DNM1: variants seen among roughly 807,000 people sequenced by gnomAD.
DNM1 encodes dynamin-1.
Under a neutral mutation model 104.6 loss-of-function variants are expected in DNM1, and 29 were observed. That is an observed-to-expected ratio of 0.28 (90% CI 0.21 to 0.38). DNM1 has a LOEUF of 0.38. Among genes scored for constraint, DNM1 ranks in the 10% least tolerant of loss-of-function variants. The pLI is 1.00. For synonymous variants in DNM1, 445 were observed against 475.8 expected, an observed-to-expected ratio of 0.94 and a Z score of 0.84; for missense variants, 640 against 1,189.4, an observed-to-expected ratio of 0.54 and a Z score of 6.79.
intron 1 of DNM1, among the ~76,000 whole-genome samples, chr9:128,207,922 G>A (rs1327688007): frequency 3.3e-5 from 5 of 152,012 alleles, no homozygotes; most frequent in South Asian, 4.1e-4. Flanking sequence ...GTCCTGAGGA[G>A]CGACCCTCTG....
intron 6 of DNM1, chr9:128,221,282 GT>G (rs1376102683): frequency 4.6e-5 from 7 of 152,084 alleles, no homozygotes; most frequent in African/African-American, 1.5e-4. Context: ...TAGAGACGGG[GT>G]TTCACCATGT....
chr9:128,227,406 C>G (rs1433069413), intron 10 of DNM1, among the ~76,000 whole-genome samples: 1 of 91,358 alleles, frequency 1.1e-5, no homozygotes, highest in Non-Finnish European at 2.0e-5. Flanking sequence ...TTTTTTGAGA[C>G]AGTCTCACTC....
At position 128,219,997 on chromosome 9, in the gene DNM1, C is replaced by T. The variant is rs1834848160; in HGVS notation, c.599C>T (p.Thr200Ile). The T allele has an allele frequency of 3.2e-6, 5 of 1,582,460 alleles. No homozygotes were observed. Among genetic ancestry groups the T allele is most frequent in the Non-Finnish European group, 4.3e-6 (5 of 1,163,640 alleles). Residue 200 changes from threonine (T) to isoleucine (I), a missense_variant, in exon 5 of 22, where the codon ACC becomes ATC. Physicochemically the swap from Thr to Ile is moderately conservative, Grantham distance 89. Around this residue, in one of 7 missense-constraint regions of DNM1, gnomAD observed 172 missense variants for 335.3 expected, o/e 0.51. Transcript: ENST00000372923. ...CTGCTGGTGCACCCAGGCCAGCGCACCATCGGGGTCATCACCAAGCTGGAC... is the reference window on the plus strand; with the variant it reads ...CTGCTGGTGCACCCAGGCCAGCGCATCATCGGGGTCATCACCAAGCTGGAC... ...AKEVDPQGQR[T>I]IGVITKLDLM...
At chr9:128,231,629 C>T (rs1290025265) in intron 10 of DNM1, among the ~76,000 whole-genome samples, 1 of 152,172 alleles carries the variant, frequency 6.6e-6, no homozygotes, top group African/African-American at 2.4e-5. Context: ...CAAGTCACTC[C>T]TGCCAGAAGT....
chr9:128,218,409 T>C lies in DNM1; in HGVS notation c.235+105T>C, dbSNP rs533695629. 15 of 1,458,266 alleles carry C rather than the reference T, an allele frequency of 1.0e-5. No homozygotes were observed. The East Asian group carries it at 2.0e-4, about 20-fold the overall frequency. The allele number at this position is 1,458,266 out of a possible 1,614,324, so 90.3% of individuals were successfully genotyped here. A position where few individuals can be genotyped will look rare whatever the true frequency, so the allele number is the denominator to read the frequency against. On this transcript the variant is annotated intron_variant, in intron 2 of 21. Transcript: ENST00000372923. The surrounding 1 kb of genome is among the most constrained non-coding windows in gnomAD (Gnocchi z 4.8). The stretch of plus-strand genomic sequence containing the variant: ...CACGAACTTGCTTGCTGTGTGACTG[T>C]GGGCCTCGTTCCCCTTAGGGATAGC...
At chr9:128,230,164 C>T (rs1315476833) in intron 10 of DNM1, among the ~76,000 whole-genome samples, 2 of 150,068 alleles carry the variant, frequency 1.3e-5, no homozygotes, top group South Asian at 2.1e-4. Context: ...TTGCAGTTAG[C>T]CAAGATTGAG....
Position 128,252,881 on chromosome 9 carries a change from C to G in DNM1, c.2535-1773C>G. 5.8e-6 allele frequency: 4 copies of G among 684,250 alleles called. No individual in the cohort carries two copies. The South Asian group carries it at 6.2e-5, about 11-fold the overall frequency. 42.4% of individuals were successfully genotyped at this position (684,250 alleles called of 1,614,324 possible). On this transcript the variant is annotated intron_variant, in intron 21 of 21. Coordinates refer to ENST00000372923, the MANE Select transcript of DNM1 (RefSeq NM_004408.4). ...CTGCATGCCCCAGATCCATGCTGCA[C>G]GCGCCGCCGGCCAGTGAGGGTGCTG...
In DNM1 at chr9:128,222,618, A is replaced by G. The variant is rs767233957; in HGVS notation, c.1128+22A>G. 6.2e-7 allele frequency: 1 copy of G among 1,613,628 alleles called. No individual in the cohort carries two copies. Among genetic ancestry groups the G allele is most frequent in the Admixed American group, 1.7e-5 (1 of 59,996 alleles). Reference sequence around the variant, plus strand: ...CAAGGTAGGTCAGGCAGCCCTGGGGACAGGATGGCTCAGGACTCCCCCCAC... The same window carrying G: ...CAAGGTAGGTCAGGCAGCCCTGGGGGCAGGATGGCTCAGGACTCCCCCCAC... On this transcript the variant is annotated intron_variant, in intron 8 of 21. Coordinates refer to ENST00000372923, the MANE Select transcript of DNM1 (RefSeq NM_004408.4). The surrounding 1 kb of genome is among the most constrained non-coding windows in gnomAD (Gnocchi z 7.8).
rs1257289707 is a variant in DNM1, at chr9:128,241,781, G to T, written c.1558-451G>T. ...TGTGAATCCTGAGCTGATACTCAAA[G>T]GCTGAGTAGGAATTTGCCAGGCAAA... On this transcript the variant is annotated intron_variant, in intron 14 of 21. Coordinates refer to ENST00000372923, the MANE Select transcript of DNM1 (RefSeq NM_004408.4). 2.0e-5 allele frequency among the ~76,000 whole-genome samples: 3 copies of T among 152,328 alleles called. No individual in the cohort carries two copies. The East Asian group carries it at 5.8e-4, about 29-fold the overall frequency.
rs45596034 is a variant in DNM1 at position 128,205,982 on chromosome 9, G to A, written c.161+2351G>A. On this transcript the variant is annotated intron_variant, in intron 1 of 21. Coordinates refer to ENST00000372923, the MANE Select transcript of DNM1 (RefSeq NM_004408.4). ...ATGCAGGCCCAGGGCAGGGGAGGGG[G>A]CTTAGGTTGATGTGAAGGAGTAGGC... Among the ~76,000 whole-genome samples the A allele has an allele frequency of 9.4e-3, 1,435 of 152,300 alleles. 24 individuals carry two copies. Among genetic ancestry groups the A allele is most frequent in the African/African-American group, 0.033 (1,375 of 41,560 alleles).
Position 128,250,936 on chromosome 9 carries a change from C to A in DNM1, c.2530C>A (p.Pro844Thr). 7.2e-7 allele frequency: 1 copy of A among 1,390,192 alleles called. No individual in the cohort carries two copies. Among genetic ancestry groups the A allele is most frequent in the South Asian group, 1.6e-5 (1 of 64,086 alleles). 86.1% of individuals were successfully genotyped at this position (1,390,192 alleles called of 1,614,324 possible). The change falls in exon 21 of 22, where the codon CCC (proline) becomes ACC (threonine). Residue 844 changes from proline to threonine, a missense_variant. Transcript: ENST00000372923. ...CCCCAACCGCGCCCCGCCCGGGGTCCCCAGGTGAGTAGGGGCTGAATGCGG... is the reference window on the plus strand; with the variant it reads ...CCCCAACCGCGCCCCGCCCGGGGTCACCAGGTGAGTAGGGGCTGAATGCGG... ...SRPNRAPPGV[P>T]SRSGQASPSR...
In DNM1 at chr9:128,247,851, CCT is replaced by C. The variant is rs761896039; in HGVS notation, c.1894-68_1894-67del. 1.9e-4 allele frequency: 300 copies of C among 1,587,430 alleles called. No homozygotes were observed. Among genetic ancestry groups the C allele is most frequent in the Non-Finnish European group, 2.3e-4 (273 of 1,163,834 alleles). On this transcript the variant is annotated intron_variant, in intron 17 of 21. Coordinates refer to ENST00000372923, the MANE Select transcript of DNM1 (RefSeq NM_004408.4). This position sits in a 1 kb window ranked among gnomAD's most constrained non-coding sequence, Gnocchi z 5.1. ...AGGTTCACTCAATCTCTCCCCTTTTCCTCTCTGTGTTTCCTTCGGCTGTGCTC... is the reference window on the plus strand; with the variant it reads ...AGGTTCACTCAATCTCTCCCCTTTTCCTCTGTGTTTCCTTCGGCTGTGCTC...
rs576156776 is a variant in DNM1 at position 128,253,773 on chromosome 9, C to G, written c.2535-881C>G. 916 of 441,826 alleles carry G rather than the reference C, an allele frequency of 2.1e-3. 4 individuals carry two copies. Among genetic ancestry groups the G allele is most frequent in the Non-Finnish European group, 3.0e-3 (827 of 273,708 alleles). The allele number at this position is 441,826 out of a possible 1,614,324, so 27.4% of individuals were successfully genotyped here. On this transcript the variant is annotated intron_variant, in intron 21 of 21. Transcript: ENST00000372923. The surrounding 1 kb of genome is among the most constrained non-coding windows in gnomAD (Gnocchi z 5.9). Reference sequence around the variant, plus strand: ...CAGGCAGGGACACACAGCCCCCTTCCCTCCCTCCCAGGTACCGTCATAGCT... The same window carrying G: ...CAGGCAGGGACACACAGCCCCCTTCGCTCCCTCCCAGGTACCGTCATAGCT...
chr9:128,239,476 ACATGAACACCAAC>A lies in DNM1; in HGVS notation c.1460_1472del (p.Asn487ArgfsTer4). 1 of 1,614,084 alleles carries A rather than the reference ACATGAACACCAAC, an allele frequency of 6.2e-7. No individual in the cohort carries two copies. Among genetic ancestry groups the A allele is most frequent in the Non-Finnish European group, 8.5e-7 (1 of 1,179,958 alleles). On this transcript the variant is annotated frameshift_variant, in exon 12 of 22. Transcript: ENST00000372923. LOFTEE classifies it high-confidence loss of function. ...CTTCTCATCGATATCGAGCTGGCTT[ACATGAACACCAAC>A]CATGAGGACTTCATAGGCTTTGCCA...
chr9:128,206,277 G>A (rs907913655), intron 1 of DNM1, among the ~76,000 whole-genome samples: 29 of 152,330 alleles, frequency 1.9e-4, no homozygotes, highest in Admixed American at 3.9e-4. Context: ...GGATCCTGCT[G>A]TCAACTCTGC....
chr9:128,244,469 T>G (rs1836622229), intron 15 of DNM1, among the ~76,000 whole-genome samples: 1 of 151,974 alleles, frequency 6.6e-6, no homozygotes. Context: ...CCTCAGGTTT[T>G]GGGGTGAGGG....
chr9:128,210,258 T>C (rs1179082397), intron 1 of DNM1, among the ~76,000 whole-genome samples: 1 of 152,040 alleles, frequency 6.6e-6, no homozygotes, highest in Non-Finnish European at 1.5e-5. Flanking sequence ...TCTCACCATG[T>C]TGCCCAGGGT....
Position 128,218,698 on chromosome 9 carries a change from G to C in DNM1, c.352G>C (p.Val118Leu), listed in dbSNP as rs1834758362. The change falls in exon 3 of 22, where the codon GTG becomes CTG. Residue 118 changes from valine (V) to leucine (L), a missense_variant. By Grantham distance (32) the Val-to-Leu change is conservative. This residue lies in a region of DNM1 where 172 missense variants were observed against 335.3 expected (regional missense o/e 0.51). Transcript: ENST00000372923. The surrounding 1 kb of genome is among the most constrained non-coding windows in gnomAD (Gnocchi z 4.8). ...VTGTNKGISP[V>L]PINLRVYSPH... The stretch of plus-strand genomic sequence containing the variant: ...CGGCACCAACAAGGGCATCTCGCCG[G>C]TGCCTATCAACCTCCGCGTCTACTC... The C allele has an allele frequency of 1.9e-6, 3 of 1,610,388 alleles. No homozygotes were observed. The highest frequency in any genetic ancestry group is 2.5e-6 in the Non-Finnish European group (3 of 1,177,378).
intron 11 of DNM1, among the ~76,000 whole-genome samples, chr9:128,235,304 G>A (rs1209895736): frequency 3.3e-5 from 5 of 151,930 alleles, no homozygotes; most frequent in African/African-American, 9.7e-5. Flanking sequence ...GACCAGCCTG[G>A]CCAACATGGT....
Sources: allele counts gnomAD v4.1 joint callset (sites outside exome capture counted in the v4.1 genomes callset), GRCh38; gene constraint gnomAD v4.1.1; regional missense constraint gnomAD v4.1.1; non-coding constraint Gnocchi (gnomAD v3.1); transcripts MANE v1.5; gene names NCBI Gene and HGNC (gene_info 2026-07-23, HGNC 2026-07-21).